Variants in SNX13 observed in about 807,000 individuals in gnomAD.
The protein encoded by SNX13 is sorting nexin-13.
In SNX13, 45 loss-of-function variants were observed where a neutral mutation model predicts 133.6. That is an observed-to-expected ratio of 0.34 (90% CI 0.27 to 0.43). The LOEUF is 0.43. SNX13 is among the 20% of genes least tolerant of loss of function. The pLI is 1.00. For synonymous variants in SNX13, 414 were observed against 373.9 expected, an observed-to-expected ratio of 1.11 and a Z score of -1.24; for missense variants, 1,032 against 1,145.1, an observed-to-expected ratio of 0.90 and a Z score of 1.43.
intron 1 of SNX13, among the ~76,000 whole-genome samples, chr7:17,910,614 C>A (rs1175887309): frequency 2.6e-5 from 4 of 152,320 alleles, no homozygotes; most frequent in Admixed American, 2.0e-4. Flanking sequence ...CATGTACACA[C>A]ATGTTCACAG....
chr7:17,853,273 G>C (rs1247449944), intron 9 of SNX13, among the ~76,000 whole-genome samples: 1 of 152,062 alleles, frequency 6.6e-6, no homozygotes, highest in Non-Finnish European at 1.5e-5. Context: ...AAGTTAAAGA[G>C]GTAAAGAAGT....
At chr7:17,862,452 A>G (rs1200347819) in intron 9 of SNX13, among the ~76,000 whole-genome samples, 2 of 152,192 alleles carry the variant, frequency 1.3e-5, no homozygotes, top group African/African-American at 2.4e-5. Flanking sequence ...AATACATAAA[A>G]AAGAAAAATT....
At chr7:17,886,591 A>C (rs985478363) in intron 5 of SNX13, among the ~76,000 whole-genome samples, 2 of 150,340 alleles carry the variant, frequency 1.3e-5, no homozygotes, top group Non-Finnish European at 3.0e-5. Flanking sequence ...CTCCGTCTCA[A>C]AAAAAAAAAG....
intron 1 of SNX13, among the ~76,000 whole-genome samples, chr7:17,938,970 G>C (rs549790228): frequency 6.6e-6 from 1 of 152,126 alleles, no homozygotes; most frequent in African/African-American, 2.4e-5. Flanking sequence ...TTAACTCCAA[G>C]AATGAAAAAT....
intron 20 of SNX13, among the ~76,000 whole-genome samples, chr7:17,805,850 C>A (rs1360967492): frequency 6.6e-6 from 1 of 151,936 alleles, no homozygotes; most frequent in Non-Finnish European, 1.5e-5. Flanking sequence ...AGGTAAAGCC[C>A]AAGCATTTGT....
intron 1 of SNX13, among the ~76,000 whole-genome samples, chr7:17,911,248 T>G (rs1444317666): frequency 6.6e-6 from 1 of 152,238 alleles, no homozygotes; most frequent in Non-Finnish European, 1.5e-5. Context: ...ACTGAATTTA[T>G]AAAGAATTGT....
At chr7:17,929,235 TAG>T in intron 1 of SNX13, among the ~76,000 whole-genome samples, 1 of 152,034 alleles carries the variant, frequency 6.6e-6, no homozygotes, top group South Asian at 2.1e-4. Flanking sequence ...TATAAAGGAA[TAG>T]AGAGAGATAT....
intron 9 of SNX13, among the ~76,000 whole-genome samples, chr7:17,861,890 T>C (rs967292827): frequency 6.6e-6 from 1 of 152,194 alleles, no homozygotes; most frequent in Non-Finnish European, 1.5e-5. Context: ...CTATAAAGCT[T>C]TTTAACAAAC....
At chr7:17,924,307 A>T (rs935893476) in intron 1 of SNX13, among the ~76,000 whole-genome samples, 5 of 152,248 alleles carry the variant, frequency 3.3e-5, no homozygotes, top group African/African-American at 9.6e-5. Flanking sequence ...AACCCAATTT[A>T]AAAATGGGCA....
At chr7:17,836,820 A>T (rs1789189474) in intron 13 of SNX13, among the ~76,000 whole-genome samples, 1 of 152,096 alleles carries the variant, frequency 6.6e-6, no homozygotes, top group Non-Finnish European at 1.5e-5. Flanking sequence ...AAATACAGAA[A>T]GACTTTTTAA....
At chr7:17,809,073 A>G (rs1031047403) in intron 20 of SNX13, among the ~76,000 whole-genome samples, 2 of 152,120 alleles carry the variant, frequency 1.3e-5, no homozygotes, top group South Asian at 2.1e-4. Flanking sequence ...ACCAGCTAAC[A>G]TCATAATGAC....
chr7:17,839,856 A>G lies in SNX13; in HGVS notation c.1310T>C (p.Leu437Pro). 1 of 1,611,384 alleles carries G rather than the reference A, an allele frequency of 6.2e-7. No homozygotes were observed. Among genetic ancestry groups the G allele is most frequent in the African/African-American group, 1.3e-5 (1 of 74,810 alleles). The change falls in exon 13 of 26, where the codon CTT (leucine) becomes CCT (proline). Residue 437 changes from leucine to proline, a missense_variant. Leu to Pro is a moderately conservative substitution (Grantham distance 98). Coordinates refer to ENST00000428135, the MANE Select transcript of SNX13 (RefSeq NM_015132.5). ...GKHQTNQTKG[L>P]LRAAAVGIYE... ...AATTCCAACAGCAGCTGCTCTTAAA[A>G]GACCTTTGGTTTGGTTGGTTTGATG...
At chr7:17,860,846 C>G (rs1024354379) in intron 9 of SNX13, among the ~76,000 whole-genome samples, 3 of 152,174 alleles carry the variant, frequency 2.0e-5, no homozygotes, top group Admixed American at 6.5e-5. Flanking sequence ...CAGCACCATA[C>G]AGTTAATTAC....
chr7:17,855,028 C>A (rs1342724628), intron 9 of SNX13, among the ~76,000 whole-genome samples: 1 of 152,082 alleles, frequency 6.6e-6, no homozygotes, highest in African/African-American at 2.4e-5. Context: ...AAGTGCTGCT[C>A]CAGAACAGAT....
chr7:17,909,511 T>C (rs1317262660), intron 1 of SNX13, among the ~76,000 whole-genome samples: 1 of 152,224 alleles, frequency 6.6e-6, no homozygotes, highest in Non-Finnish European at 1.5e-5. Context: ...CATGGAATAC[T>C]ATGCAGCCAT....
chr7:17,803,669 C>T (rs527343670), intron 20 of SNX13, 89 bp from the exon 21 acceptor site: 39 of 1,138,982 alleles, frequency 3.4e-5, no homozygotes, highest in Non-Finnish European at 4.6e-5. Context: ...GAGTGCAACA[C>T]TGGAAAGATG....
At chr7:17,858,006 T>C (rs1283764749) in intron 9 of SNX13, among the ~76,000 whole-genome samples, 1 of 152,108 alleles carries the variant, frequency 6.6e-6, no homozygotes, top group African/African-American at 2.4e-5. Context: ...TCTCAAAATA[T>C]TAGGTATAGA....
rs1273431008 is a variant in SNX13, at chr7:17,940,317, G to C, written c.-22C>G. Reference sequence around the variant, plus strand: ...ACATTATTACACCCCGGGGAAGTGAGGTCCTCCCTAGCCTCGCCTCATGGC... The same window carrying C: ...ACATTATTACACCCCGGGGAAGTGACGTCCTCCCTAGCCTCGCCTCATGGC... On this transcript the variant is annotated 5_prime_UTR_variant, in exon 1 of 26. Transcript: ENST00000428135. 2 of 1,564,564 alleles carry C rather than the reference G, an allele frequency of 1.3e-6. No individual in the cohort carries two copies. Among genetic ancestry groups the C allele is most frequent in the South Asian group, 2.4e-5 (2 of 84,754 alleles).
chr7:17,811,663 G>A (rs1384679112), intron 20 of SNX13, among the ~76,000 whole-genome samples: 1 of 152,070 alleles, frequency 6.6e-6, no homozygotes, highest in Non-Finnish European at 1.5e-5. Flanking sequence ...ATTTCATATG[G>A]AAGTAAAAAG....
Sources: allele counts gnomAD v4.1 joint callset (sites outside exome capture counted in the v4.1 genomes callset), GRCh38; gene constraint gnomAD v4.1.1; transcripts MANE v1.5; gene names NCBI Gene and HGNC (gene_info 2026-07-23, HGNC 2026-07-21).